The following RTKN2 variants were observed in gnomAD, a reference collection of about 807,000 sequenced individuals.
RTKN2 encodes the protein rhotekin 2, also known as rhotekin-2.
In RTKN2, 69 loss-of-function variants were observed where a neutral mutation model predicts 71.5. That is an observed-to-expected ratio of 0.96 (90% CI 0.79 to 1.18). The LOEUF is 1.18. Among genes scored for constraint, RTKN2 ranks in the 50% most tolerant of loss-of-function variants. The probability of loss-of-function intolerance (pLI) is 0.00; values close to 1 mark genes in which losing one functional copy is unlikely to be tolerated. For synonymous variants in RTKN2, 236 were observed against 236.5 expected (o/e 1.00, Z 0.02); for missense variants, 724 against 719.7 (o/e 1.01, Z -0.07).
At chr10:62,205,095 TTAGC>T in intron 9 of RTKN2, 73 bp from the exon 10 acceptor site, 1 of 1,160,752 alleles carries the variant, frequency 8.6e-7, no homozygotes, top group South Asian at 1.5e-5. Flanking sequence ...GTTTTATTGC[TTAGC>T]TACCATATTT....
rs545798272 is a variant in RTKN2, at chr10:62,245,817, A to C, written c.316+182T>G. 2.3e-4 allele frequency among the ~76,000 whole-genome samples: 24 copies of C among 102,992 alleles called. No individual in the cohort carries two copies. In the East Asian group the frequency reaches 0.021, roughly 91 times the overall value. The allele number at this position is 102,992 out of a possible 152,430, so 67.6% of individuals were successfully genotyped here. ...ATGTAACATATGAAACAGTTTTCTT[A>C]AACTCTAAAGTTCTATATCAATGTA... On this transcript the variant is annotated intron_variant, in intron 3 of 11. Transcript: ENST00000373789.
Position 62,197,175 on chromosome 10 carries a change from C to G in RTKN2, c.*733G>C, listed in dbSNP as rs924609111. ...CCAAAGTCACAATGGAAATTAGCAC[C>G]ACACACAGAAAATTGAATGTAAAGA... On this transcript the variant is annotated 3_prime_UTR_variant, in exon 12 of 12. Coordinates refer to ENST00000373789, the MANE Select transcript of RTKN2 (RefSeq NM_145307.4). The G allele has an allele frequency of 1.5e-5, 15 of 985,374 alleles. No individual in the cohort carries two copies. In the African/African-American group the frequency reaches 1.9e-4, roughly 13 times the overall value. The allele number at this position is 985,374 out of a possible 1,614,324, so 61.0% of individuals were successfully genotyped here. A position where few individuals can be genotyped will look rare whatever the true frequency, so the allele number is the denominator to read the frequency against.
chr10:62,189,696 C>T (rs1841189705), downstream of RTKN2, among the ~76,000 whole-genome samples: 1 of 152,146 alleles, frequency 6.6e-6, no homozygotes, highest in African/African-American at 2.4e-5. Flanking sequence ...CATGGAGGCA[C>T]ATGCCTGTTG....
chr10:62,249,367 C>G (rs1222394010), intron 2 of RTKN2, among the ~76,000 whole-genome samples: 3 of 112,784 alleles, frequency 2.7e-5, no homozygotes, highest in African/African-American at 1.0e-4. Context: ...CTGGGTTGAG[C>G]AGGGGTTGCG....
chr10:62,256,916 C>T (rs1393044851), intron 2 of RTKN2, among the ~76,000 whole-genome samples: 14 of 151,150 alleles, frequency 9.3e-5, no homozygotes, highest in Admixed American at 8.6e-4. Context: ...ACACTTAGAC[C>T]AACAAATGAC....
At chr10:62,246,218 A>G (rs1361632965) in intron 2 of RTKN2, among the ~76,000 whole-genome samples, 161 bp from the exon 3 acceptor site, 1 of 152,140 alleles carries the variant, frequency 6.6e-6, no homozygotes, top group African/African-American at 2.4e-5. Context: ...TAAGATGTTT[A>G]GTCAAGTTAG....
intron 9 of RTKN2, among the ~76,000 whole-genome samples, chr10:62,207,655 A>G (rs911700897): frequency 1.3e-5 from 2 of 152,104 alleles, no homozygotes; most frequent in Non-Finnish European, 2.9e-5. Context: ...GGGTATGAAA[A>G]CAAGGAACTT....
Position 62,193,405 on chromosome 10 carries a change from T to C in RTKN2, c.*4503A>G. On this transcript the variant is annotated 3_prime_UTR_variant, in exon 12 of 12. Transcript: ENST00000373789. ...TAAACGTGTCAGCATTAGTATTTTC[T>C]CCCATACTCAGATAAAGAAAAATGT... 1 of 981,434 alleles carries C rather than the reference T, an allele frequency of 1.0e-6. No homozygotes were observed. Among genetic ancestry groups the C allele is most frequent in the Non-Finnish European group, 1.2e-6 (1 of 826,258 alleles). 60.8% of individuals were successfully genotyped at this position (981,434 alleles called of 1,614,324 possible).
intron 2 of RTKN2, 73 bp downstream of exon 2, chr10:62,262,552 G>T: frequency 9.5e-7 from 1 of 1,047,718 alleles, no homozygotes; most frequent in Non-Finnish European, 1.4e-6. Flanking sequence ...TGGTACTTAA[G>T]CTTAAATTAT....
chr10:62,194,508 T>C lies in RTKN2; in HGVS notation c.*3400A>G, dbSNP rs954143071. The C allele has an allele frequency of 8.1e-6, 8 of 984,310 alleles. No homozygotes were observed. In the African/African-American group the frequency reaches 1.4e-4, roughly 17 times the overall value. 61.0% of individuals were successfully genotyped at this position (984,310 alleles called of 1,614,324 possible). A position where few individuals can be genotyped will look rare whatever the true frequency, so the allele number is the denominator to read the frequency against. On this transcript the variant is annotated 3_prime_UTR_variant, in exon 12 of 12. Coordinates refer to ENST00000373789, the MANE Select transcript of RTKN2 (RefSeq NM_145307.4). The stretch of plus-strand genomic sequence containing the variant: ...CACTCTTTAACAAGAAAATGAGTTT[T>C]GATAAATTCAGACCACAGGGACAGA...
chr10:62,194,065 C>T lies in RTKN2; in HGVS notation c.*3843G>A, dbSNP rs533081495. On this transcript the variant is annotated 3_prime_UTR_variant, in exon 12 of 12. Transcript: ENST00000373789. The stretch of plus-strand genomic sequence containing the variant: ...ATGACTTGGGCTCGCTTACCAAATA[C>T]CTTTGGTACTTTAAAAAATGTATGT... 4.1e-6 allele frequency: 4 copies of T among 976,504 alleles called. No homozygotes were observed. The highest frequency in any genetic ancestry group is 4.9e-6 in the Non-Finnish European group (4 of 821,848). 60.5% of individuals were successfully genotyped at this position (976,504 alleles called of 1,614,324 possible).
In RTKN2 at chr10:62,194,758, C is replaced by T; in HGVS notation, c.*3150G>A. 1 of 985,394 alleles carries T rather than the reference C, an allele frequency of 1.0e-6. No individual in the cohort carries two copies. Among genetic ancestry groups the T allele is most frequent in the Non-Finnish European group, 1.2e-6 (1 of 829,918 alleles). The allele number at this position is 985,394 out of a possible 1,614,324, so 61.0% of individuals were successfully genotyped here. ...CCTAAAGAAATACTTGACTGCTTAA[C>T]CTACCTTACGTGAGGTATCTCTAAT... On this transcript the variant is annotated 3_prime_UTR_variant, in exon 12 of 12. Coordinates refer to ENST00000373789, the MANE Select transcript of RTKN2 (RefSeq NM_145307.4).
At chr10:62,233,567 A>G (rs1044717684) in intron 6 of RTKN2, among the ~76,000 whole-genome samples, 2 of 152,144 alleles carry the variant, frequency 1.3e-5, no homozygotes, top group Admixed American at 6.5e-5. Context: ...ATGATTTACA[A>G]ACAGCATTAA....
chr10:62,198,100 TGATAGTTTGGTATCCAAAGAC>T lies in RTKN2; in HGVS notation c.1617_1637del (p.Ser540_Ser546del). ...GTTTCTGTAAGTGATGCATTAGAGT[TGATAGTTTGGTATCCAAAGAC>T]GATGTCTGAGATACACTTGTTTTTC... On this transcript the variant is annotated inframe_deletion, in exon 12 of 12. Transcript: ENST00000373789. 6.2e-7 allele frequency: 1 copy of T among 1,614,150 alleles called. No homozygotes were observed. The highest frequency in any genetic ancestry group is 8.5e-7 in the Non-Finnish European group (1 of 1,180,002).
intron 2 of RTKN2, among the ~76,000 whole-genome samples, chr10:62,260,705 G>C (rs141756882): frequency 1.1e-4 from 17 of 152,194 alleles, no homozygotes; most frequent in Middle Eastern, 3.4e-3. Context: ...TTATACATCA[G>C]CAACTTCAGA....
At position 62,223,121 on chromosome 10, in the gene RTKN2, A is replaced by C. The variant is rs1398153982; in HGVS notation, c.781+117T>G. 5.5e-6 allele frequency: 3 copies of C among 547,672 alleles called. No individual in the cohort carries two copies. In the African/African-American group the frequency reaches 5.8e-5, roughly 11 times the overall value. 33.9% of individuals were successfully genotyped at this position (547,672 alleles called of 1,614,324 possible). Reference sequence around the variant, plus strand: ...AAGAGGGACAGATATATTTTAAAGAACCAACAGAATCACTCATGTCTCCAT... The same window carrying C: ...AAGAGGGACAGATATATTTTAAAGACCCAACAGAATCACTCATGTCTCCAT... On this transcript the variant is annotated intron_variant, in intron 7 of 11. Coordinates refer to ENST00000373789, the MANE Select transcript of RTKN2 (RefSeq NM_145307.4).
intron 1 of RTKN2, among the ~76,000 whole-genome samples, chr10:62,267,925 A>C (rs1022665315): frequency 2.0e-5 from 3 of 152,262 alleles, no homozygotes; most frequent in Non-Finnish European, 2.9e-5. Context: ...AAAAAGTAAA[A>C]TAAAAAGGTT....
At chr10:62,261,299 A>G (rs1164465737) in intron 2 of RTKN2, among the ~76,000 whole-genome samples, 3 of 152,188 alleles carry the variant, frequency 2.0e-5, no homozygotes, top group Admixed American at 6.5e-5. Context: ...CAAAATGTAA[A>G]TATTATCATG....
chr10:62,213,783 T>C (rs1356667852), intron 9 of RTKN2, among the ~76,000 whole-genome samples: 1 of 152,134 alleles, frequency 6.6e-6, no homozygotes, highest in African/African-American at 2.4e-5. Context: ...CTAGGTGGTA[T>C]GTATATGGGC....
Sources: allele counts gnomAD v4.1 joint callset (sites outside exome capture counted in the v4.1 genomes callset), GRCh38; gene constraint gnomAD v4.1.1; transcripts MANE v1.5; gene names NCBI Gene and HGNC (gene_info 2026-07-23, HGNC 2026-07-21).